MTUS2: variants seen among roughly 807,000 people sequenced by gnomAD.
The protein encoded by MTUS2 is microtubule-associated tumor suppressor candidate 2.
In MTUS2, 40 loss-of-function variants were observed where a neutral mutation model predicts 114.1. The ratio of observed to expected loss-of-function variants is 0.35; its 90% CI spans 0.27 to 0.46. The LOEUF is 0.46. Among genes scored for constraint, MTUS2 ranks in the 20% least tolerant of loss-of-function variants. The pLI is 1.00. For missense variants in MTUS2, 1,679 were observed against 1,705.4 expected, an observed-to-expected ratio of 0.98 and a Z score of 0.27; for synonymous variants, 688 against 672.0, an observed-to-expected ratio of 1.02 and a Z score of -0.37.
chr13:29,134,662 G>C (rs1891901241), intron 5 of MTUS2, among the ~76,000 whole-genome samples: 1 of 152,120 alleles, frequency 6.6e-6, no homozygotes, highest in Non-Finnish European at 1.5e-5. Context: ...CAATGGCACG[G>C]TCTTGGCTCA....
At position 29,016,912 on chromosome 13, in the gene MTUS2, C is replaced by T. The variant is rs548203821; in HGVS notation, c.-242-7545C>T. 9.9e-4 allele frequency among the ~76,000 whole-genome samples: 150 copies of T among 152,264 alleles called. 1 individual carries two copies. Among genetic ancestry groups the T allele is most frequent in the African/African-American group, 3.5e-3 (146 of 41,540 alleles). On this transcript the variant is annotated intron_variant, in intron 2 of 15. Coordinates refer to ENST00000612955, the MANE Select transcript of MTUS2 (RefSeq NM_001033602.4). The stretch of plus-strand genomic sequence containing the variant: ...AGTTTTTAACCATATTGTAAGGACA[C>T]TGTACTTGTAAGTTTCATTTAGTGT...
intron 5 of MTUS2, among the ~76,000 whole-genome samples, chr13:29,115,908 T>C (rs1891067869): frequency 6.6e-6 from 1 of 152,238 alleles, no homozygotes; most frequent in Admixed American, 6.5e-5. Context: ...TAAGCTGAAT[T>C]ACAGAATGTG....
intron 2 of MTUS2, among the ~76,000 whole-genome samples, chr13:28,858,738 A>G (rs892920521): frequency 9.2e-5 from 14 of 152,294 alleles, no homozygotes; most frequent in African/African-American, 2.9e-4. Flanking sequence ...GAGAGGGGAC[A>G]GGGAGTAGGG....
At chr13:29,476,541 A>G (rs1880717766) in intron 9 of MTUS2, 1 of 138,756 alleles carries the variant, frequency 7.2e-6, no homozygotes, top group African/African-American at 2.7e-5. Flanking sequence ...TTATTGAGAT[A>G]TAATTCACAT....
At chr13:29,448,939 A>C (rs1273412578) in intron 9 of MTUS2, among the ~76,000 whole-genome samples, 3 of 151,676 alleles carry the variant, frequency 2.0e-5, no homozygotes, top group Admixed American at 2.0e-4. Flanking sequence ...TTTTTAGTAG[A>C]GTTGGGGTTT....
chr13:29,348,841 G>A (rs773577305), intron 7 of MTUS2, among the ~76,000 whole-genome samples: 10 of 152,200 alleles, frequency 6.6e-5, no homozygotes, highest in East Asian at 1.9e-4. Flanking sequence ...CTTGAAATCT[G>A]CTTTTTTCAT....
intron 2 of MTUS2, among the ~76,000 whole-genome samples, chr13:28,943,120 A>G (rs1291956325): frequency 6.6e-6 from 1 of 152,164 alleles, no homozygotes; most frequent in Non-Finnish European, 1.5e-5. Context: ...TATGAATGTG[A>G]TCTGGGGCAA....
intron 2 of MTUS2, among the ~76,000 whole-genome samples, chr13:28,843,605 G>A (rs1875656316): frequency 6.6e-6 from 1 of 152,154 alleles, no homozygotes; most frequent in Admixed American, 6.5e-5. Context: ...TGTCACATGG[G>A]CAATTCTCTT....
At chr13:28,974,798 T>C (rs9551580) in intron 2 of MTUS2, among the ~76,000 whole-genome samples, 70,034 of 152,022 alleles carry the variant, frequency 0.46, 16,655 homozygotes, top group East Asian at 0.69. Flanking sequence ...ACATGTCAAA[T>C]CCTGACAGTT....
chr13:29,061,045 C>T (rs1460709060), intron 4 of MTUS2, among the ~76,000 whole-genome samples: 3 of 152,134 alleles, frequency 2.0e-5, no homozygotes, highest in South Asian at 4.1e-4. Context: ...CAGTGATCAG[C>T]CTCCCAAAGT....
chr13:28,853,915 T>C lies in MTUS2; in HGVS notation c.-243+14065T>C, dbSNP rs114424584. ...AGTATTATAACAGTGTATCTTGTGC[T>C]ATCTGTATAGGATGGCTTGTTATAG... On this transcript the variant is annotated intron_variant, in intron 2 of 15. Transcript: ENST00000612955. Among the ~76,000 whole-genome samples, 1,075 of 152,350 alleles carry C rather than the reference T, an allele frequency of 7.1e-3. 8 individuals carry two copies. Among genetic ancestry groups the C allele is most frequent in the African/African-American group, 0.025 (1,021 of 41,584 alleles).
At chr13:28,845,690 A>G (rs1875829959) in intron 2 of MTUS2, among the ~76,000 whole-genome samples, 1 of 150,834 alleles carries the variant, frequency 6.6e-6, no homozygotes, top group South Asian at 2.1e-4. Context: ...ACAACTTGCT[A>G]TACATGTTGC....
chr13:29,328,680 A>G (rs1161667680), intron 7 of MTUS2, among the ~76,000 whole-genome samples: 1 of 152,198 alleles, frequency 6.6e-6, no homozygotes, highest in East Asian at 1.9e-4. Context: ...GCTCTCAGTT[A>G]ATCTCTCCAG....
In MTUS2 at chr13:29,389,469, A is replaced by ATG. The variant is rs771715459; in HGVS notation, c.3117+29997_3117+29998insGT. 5.3e-4 allele frequency among the ~76,000 whole-genome samples: 48 copies of ATG among 89,942 alleles called. 8 individuals are homozygous for ATG. The highest frequency in any genetic ancestry group is 1.7e-3 in the African/African-American group (44 of 26,116). 59.0% of individuals were successfully genotyped at this position (89,942 alleles called of 152,430 possible). A position where few individuals can be genotyped will look rare whatever the true frequency, so the allele number is the denominator to read the frequency against. On this transcript the variant is annotated intron_variant, in intron 8 of 15. Coordinates refer to ENST00000612955, the MANE Select transcript of MTUS2 (RefSeq NM_001033602.4). ...TATGTATACACGTGTGTGTATGTGT[A>ATG]TATGTATACACGTGTGTGTATGTGT... is the stretch of plus-strand genomic sequence containing the variant.
rs1369294637 is a variant in MTUS2 at position 29,154,454 on chromosome 13, A to G, written c.2644+53484A>G. Among the ~76,000 whole-genome samples the G allele has an allele frequency of 2.0e-5, 3 of 152,206 alleles. No individual in the cohort carries two copies. The East Asian group carries it at 5.8e-4, about 29-fold the overall frequency. ...TCTCATACATTATTAAACATAACAA[A>G]TCCTACTACTGGCTAAATCAATGAA... is the stretch of plus-strand genomic sequence containing the variant. On this transcript the variant is annotated intron_variant, in intron 5 of 15. Transcript: ENST00000612955.
At chr13:28,864,321 G>A (rs1368936009) in intron 2 of MTUS2, among the ~76,000 whole-genome samples, 1 of 152,168 alleles carries the variant, frequency 6.6e-6, no homozygotes, top group Non-Finnish European at 1.5e-5. Context: ...AAAGGAAAGT[G>A]GGATTGTTCT....
At chr13:28,850,844 T>C (rs181738395) in intron 2 of MTUS2, among the ~76,000 whole-genome samples, 57 of 152,362 alleles carry the variant, frequency 3.7e-4, no homozygotes, top group African/African-American at 1.3e-3. Context: ...ACTTGTTTTC[T>C]ATTCATATGA....
At chr13:29,102,640 C>T (rs1044525081) in intron 5 of MTUS2, among the ~76,000 whole-genome samples, 1 of 152,158 alleles carries the variant, frequency 6.6e-6, no homozygotes, top group African/African-American at 2.4e-5. Context: ...TTTTAAGAAA[C>T]ATATGTTAGA....
At chr13:29,126,803 A>C (rs1262973712) in intron 5 of MTUS2, among the ~76,000 whole-genome samples, 1 of 151,994 alleles carries the variant, frequency 6.6e-6, no homozygotes, top group African/African-American at 2.4e-5. Flanking sequence ...CTGCGTCTCT[A>C]CTCAGGAGCT....
Sources: gnomAD v4.1 joint callset for allele counts (sites outside exome capture counted in the v4.1 genomes callset) on GRCh38, gnomAD v4.1.1 for gene constraint, MANE v1.5 for transcripts, NCBI Gene and HGNC (gene_info 2026-07-23, HGNC 2026-07-21) for gene names.